SLC38A11: variants seen among roughly 807,000 people sequenced by gnomAD.
SLC38A11 encodes solute carrier family 38 member 11, also known as putative sodium-coupled neutral amino acid transporter 11.
A neutral mutation model predicts 49.4 loss-of-function variants in SLC38A11; 51 were observed. That is an observed-to-expected ratio of 1.03 (90% CI 0.83 to 1.30). SLC38A11 has a LOEUF of 1.30. SLC38A11 is among the 50% of genes most tolerant of loss of function. The pLI, the probability that SLC38A11 is intolerant of heterozygous loss-of-function variation, is 0.00. For missense variants in SLC38A11, 574 were observed against 556.2 expected (o/e 1.03, Z -0.32); for synonymous variants, 203 against 192.9 (o/e 1.05, Z -0.43).
chr2:164,939,999 T>C (rs1288708576), intron 5 of SLC38A11, among the ~76,000 whole-genome samples: 3 of 149,548 alleles, frequency 2.0e-5, no homozygotes, highest in Non-Finnish European at 4.5e-5. Flanking sequence ...CTAAGGTTTT[T>C]TTTTTTTTTT....
rs751547273 is a variant in SLC38A11 at position 164,895,379 on chromosome 2, T to C, written c.*3058A>G. Among the ~76,000 whole-genome samples, 1 of 152,204 alleles carries C rather than the reference T, an allele frequency of 6.6e-6. No individual in the cohort carries two copies. Among genetic ancestry groups the C allele is most frequent in the African/African-American group, 2.4e-5 (1 of 41,452 alleles). ...GTACCCTCACTGATGGGTGACCTCA[T>C]GGTCACTCATTGATTCATGCTTGGG... On this transcript the variant is annotated 3_prime_UTR_variant, in exon 12 of 12. Transcript: ENST00000685975.
At chr2:164,951,271 A>G (rs35812437) in intron 3 of SLC38A11, among the ~76,000 whole-genome samples, 1 of 151,980 alleles carries the variant, frequency 6.6e-6, no homozygotes, top group South Asian at 2.1e-4. Flanking sequence ...ACTTAAATAA[A>G]CCATAGTGAT....
At chr2:164,901,992 T>C (rs896293057) in intron 11 of SLC38A11, among the ~76,000 whole-genome samples, 2 of 152,008 alleles carry the variant, frequency 1.3e-5, no homozygotes, top group Non-Finnish European at 1.5e-5. Flanking sequence ...ATTCTTTTTC[T>C]GCATCAGTTG....
chr2:164,906,879 C>G (rs1303114159), intron 11 of SLC38A11, among the ~76,000 whole-genome samples: 1 of 152,126 alleles, frequency 6.6e-6, no homozygotes, highest in Non-Finnish European at 1.5e-5. Flanking sequence ...AATTTCAAAT[C>G]AAAATGGCCT....
chr2:164,921,141 A>G (rs1051356222), intron 7 of SLC38A11, among the ~76,000 whole-genome samples: 1 of 152,184 alleles, frequency 6.6e-6, no homozygotes, highest in African/African-American at 2.4e-5. Context: ...CTACTGTAAG[A>G]GAAGATAACA....
At chr2:164,905,766 C>G (rs1027632775) in intron 11 of SLC38A11, among the ~76,000 whole-genome samples, 1 of 151,852 alleles carries the variant, frequency 6.6e-6, no homozygotes, top group Non-Finnish European at 1.5e-5. Flanking sequence ...TAATGTATGT[C>G]TATATAATCA....
At chr2:164,925,965 T>C (rs1347265726) in intron 7 of SLC38A11, among the ~76,000 whole-genome samples, 1 of 152,204 alleles carries the variant, frequency 6.6e-6, no homozygotes, top group Non-Finnish European at 1.5e-5. Context: ...AGGTAACTCC[T>C]GTACCCTTAG....
intron 7 of SLC38A11, among the ~76,000 whole-genome samples, chr2:164,919,726 A>G (rs1686046429): frequency 1.3e-5 from 2 of 152,258 alleles, no homozygotes. Flanking sequence ...TAAATTCTAT[A>G]TAAATAGTAG....
chr2:164,919,136 C>T (rs1357269400), intron 7 of SLC38A11, among the ~76,000 whole-genome samples: 15 of 152,028 alleles, frequency 9.9e-5, no homozygotes. Context: ...TCAAGACTGG[C>T]CTGGGCAACA....
At chr2:164,933,477 T>C (rs572130918) in intron 7 of SLC38A11, among the ~76,000 whole-genome samples, 1 of 152,196 alleles carries the variant, frequency 6.6e-6, no homozygotes, top group African/African-American at 2.4e-5. Flanking sequence ...GTAGAATTTA[T>C]GGCCCTATAA....
intron 5 of SLC38A11, among the ~76,000 whole-genome samples, chr2:164,942,935 A>G (rs1048757869): frequency 1.6e-4 from 24 of 152,234 alleles, no homozygotes; most frequent in African/African-American, 5.8e-4. Context: ...AAGGTCACAC[A>G]GCTGGTCATT....
chr2:164,911,822 T>C (rs929650545), intron 9 of SLC38A11, 74 bp from the exon 10 acceptor site: 3 of 771,334 alleles, frequency 3.9e-6, no homozygotes, highest in Non-Finnish European at 6.0e-6. Context: ...AAATTAAATA[T>C]TAGATATTAC....
intron 3 of SLC38A11, among the ~76,000 whole-genome samples, chr2:164,945,940 C>A (rs1236128571): frequency 1.3e-5 from 2 of 152,070 alleles, no homozygotes; most frequent in African/African-American, 4.8e-5. Flanking sequence ...AATCAAGATG[C>A]AAATATATAC....
intron 7 of SLC38A11, chr2:164,922,066 T>C (rs1686239913): frequency 6.6e-6 from 1 of 152,162 alleles, no homozygotes; most frequent in Non-Finnish European, 1.5e-5. Flanking sequence ...CAAACTCTTA[T>C]CTTTATAACA....
At chr2:164,923,771 T>C (rs1210275281) in intron 7 of SLC38A11, among the ~76,000 whole-genome samples, 3 of 151,166 alleles carry the variant, frequency 2.0e-5, no homozygotes, top group African/African-American at 7.3e-5. Flanking sequence ...CACTCCAGCC[T>C]GGATGAGAGA....
chr2:164,908,802 A>G (rs772397101), intron 10 of SLC38A11, 31 bp from the exon 11 acceptor site: 2 of 1,588,670 alleles, frequency 1.3e-6, no homozygotes, highest in Non-Finnish European at 1.7e-6. Context: ...TTTGAGAGGG[A>G]CTTTTAAAGG....
intron 7 of SLC38A11, among the ~76,000 whole-genome samples, chr2:164,916,422 A>G (rs568624321): frequency 1.3e-5 from 2 of 152,258 alleles, no homozygotes; most frequent in East Asian, 3.9e-4. Flanking sequence ...ATTTATTGAG[A>G]GAGGTAAACA....
intron 11 of SLC38A11, among the ~76,000 whole-genome samples, chr2:164,907,270 C>CTTTTTTTTTTT (rs60527900): frequency 1.7e-4 from 17 of 97,916 alleles, no homozygotes; most frequent in South Asian, 1.3e-3. Flanking sequence ...CTTCTTTTCT[C>CTTTTTTTTTTT]TTTTTTTTTT....
In SLC38A11 at chr2:164,915,245, T is replaced by C. The variant is rs1320072293; in HGVS notation, c.717A>G (p.Leu239=). ...TGGGTTCTTCTAGAGAACTGTAAAC[T>C]AAGAAGGAGTTATGGTGGCAAATAA... The part of the protein sequence containing the change: ...FAFICHHNSF[L]VYSSLEEPTV... The change falls in exon 9 of 12, where the codon TTA becomes TTG. Residue 239 remains leucine, a synonymous_variant. Coordinates refer to ENST00000685975, the MANE Select transcript of SLC38A11 (RefSeq NM_001351537.2). The C allele has an allele frequency of 6.2e-7, 1 of 1,606,938 alleles. No homozygotes were observed. The highest frequency in any genetic ancestry group is 8.5e-7 in the Non-Finnish European group (1 of 1,177,030).
Sources: gnomAD v4.1 joint callset for allele counts (sites outside exome capture counted in the v4.1 genomes callset) on GRCh38, gnomAD v4.1.1 for gene constraint, MANE v1.5 for transcripts, NCBI Gene and HGNC (gene_info 2026-07-23, HGNC 2026-07-21) for gene names.